NUP54: variants seen among roughly 807,000 people sequenced by gnomAD.
NUP54 encodes nucleoporin p54.
NUP54 carries 27 observed loss-of-function variants against 66.4 expected under a neutral mutation model. The observed-to-expected ratio is 0.41, with a 90% CI of 0.30 to 0.56. The LOEUF is 0.56. Ranked by LOEUF, NUP54 falls within the 20% of genes least tolerant of loss-of-function variation. NUP54 has a pLI of 0.34. For missense variants in NUP54, 486 were observed against 596.3 expected, an observed-to-expected ratio of 0.82 and a Z score of 1.93; for synonymous variants, 206 against 210.7, an observed-to-expected ratio of 0.98 and a Z score of 0.19.
chr4:76,135,866 T>C (rs1731015832), intron 4 of NUP54, among the ~76,000 whole-genome samples: 1 of 152,192 alleles, frequency 6.6e-6, no homozygotes, highest in Admixed American at 6.5e-5. Flanking sequence ...TGGCCAATGT[T>C]AAATGAATAC....
intron 3 of NUP54, 136 bp downstream of exon 3, chr4:76,144,013 A>G: frequency 2.2e-6 from 2 of 902,424 alleles, no homozygotes; most frequent in Non-Finnish European, 3.4e-6. Flanking sequence ...TTTAAACATG[A>G]AAAGTAACAT....
intron 5 of NUP54, among the ~76,000 whole-genome samples, chr4:76,133,177 T>C (rs1163351956): frequency 1.3e-5 from 2 of 151,836 alleles, no homozygotes; most frequent in Non-Finnish European, 2.9e-5. Context: ...GGATTACAGG[T>C]ATGATGAGCT....
chr4:76,145,292 C>T (rs11941852), intron 1 of NUP54, among the ~76,000 whole-genome samples: 75,698 of 143,460 alleles, frequency 0.53, 21,505 homozygotes, highest in East Asian at 0.95. Flanking sequence ...TACTCCAGCC[C>T]GGGCGACAGG....
intron 9 of NUP54, among the ~76,000 whole-genome samples, chr4:76,119,956 TTAAAA>T (rs1730155833): frequency 6.6e-6 from 1 of 152,146 alleles, no homozygotes; most frequent in Admixed American, 6.5e-5. Flanking sequence ...AATTTTATAA[TTAAAA>T]TAATTTTATT....
intron 8 of NUP54, among the ~76,000 whole-genome samples, chr4:76,129,410 T>C (rs925318422): frequency 6.6e-6 from 1 of 152,196 alleles, no homozygotes; most frequent in Admixed American, 6.5e-5. Context: ...AGTGTTGCTG[T>C]AGATTTCAAA....
At chr4:76,145,660 T>C in intron 1 of NUP54, 1 of 844,068 alleles carries the variant, frequency 1.2e-6, no homozygotes, top group Non-Finnish European at 1.6e-6. Flanking sequence ...ATTGTCAGTC[T>C]TCAGCTGATT....
At position 76,134,226 on chromosome 4, in the gene NUP54, T is replaced by C; in HGVS notation, c.659A>G (p.Asn220Ser). 1 of 1,613,848 alleles carries C rather than the reference T, an allele frequency of 6.2e-7. No individual in the cohort carries two copies. The highest frequency in any genetic ancestry group is 8.5e-7 in the Non-Finnish European group (1 of 1,179,818). The change falls in exon 5 of 12, where the codon AAC becomes AGC. Residue 220 changes from asparagine to serine, a missense_variant. By Grantham distance (46) the Asn-to-Ser change is conservative (BLOSUM62 1). Coordinates refer to ENST00000264883, the MANE Select transcript of NUP54 (RefSeq NM_017426.4). Reference sequence around the variant, plus strand: ...CTCTACATTTACAGTAAGGGTCTGGTTTCCTCCCAAAACTTTATGCAATGA... The same window carrying C: ...CTCTACATTTACAGTAAGGGTCTGGCTTCCTCCCAAAACTTTATGCAATGA... ...VESLHKVLGG[N>S]QTLTVNVEGT...
rs1275186278 is a variant in NUP54, at chr4:76,147,499, C to A, written c.67+809G>T. On this transcript the variant is annotated intron_variant, in intron 1 of 11. Coordinates refer to ENST00000264883, the MANE Select transcript of NUP54 (RefSeq NM_017426.4). ...TCTACCTGCACTTGCCAGACTGTTA[C>A]CAAAATTGAACGGAGTCGCCGAGGT... is the stretch of plus-strand genomic sequence containing the variant. 7 of 1,289,642 alleles carry A rather than the reference C, an allele frequency of 5.4e-6. No homozygotes were observed. The South Asian group carries it at 7.4e-5, about 14-fold the overall frequency. 79.9% of individuals were successfully genotyped at this position (1,289,642 alleles called of 1,614,324 possible). A position where few individuals can be genotyped will look rare whatever the true frequency, so the allele number is the denominator to read the frequency against.
intron 8 of NUP54, among the ~76,000 whole-genome samples, chr4:76,127,656 G>A (rs1730603499): frequency 6.6e-6 from 1 of 151,798 alleles, no homozygotes; most frequent in Admixed American, 6.6e-5. Context: ...ACATTTAATG[G>A]ATATCATTAC....
At chr4:76,136,539 A>ACAG (rs1731047517) in intron 3 of NUP54, 127 bp from the exon 4 acceptor site, 1 of 649,220 alleles carries the variant, frequency 1.5e-6, no homozygotes, top group Non-Finnish European at 2.6e-6. Flanking sequence ...AGAACCTATA[A>ACAG]ATATGTTATC....
In NUP54 at chr4:76,132,503, CTG is replaced by C; in HGVS notation, c.907+18_907+19del. 6.5e-7 allele frequency: 1 copy of C among 1,530,082 alleles called. No individual in the cohort carries two copies. The highest frequency in any genetic ancestry group is 8.8e-7 in the Non-Finnish European group (1 of 1,137,330). The allele number at this position is 1,530,082 out of a possible 1,614,324, so 94.8% of individuals were successfully genotyped here. A position where few individuals can be genotyped will look rare whatever the true frequency, so the allele number is the denominator to read the frequency against. On this transcript the variant is annotated intron_variant, in intron 6 of 11. Transcript: ENST00000264883. ...CTAAATCTTTCTTTTTTTTTGAACT[CTG>C]TGATTCTAGAAACATACCAGCAGGA...
chr4:76,132,839 A>T, intron 5 of NUP54, 120 bp from the exon 6 acceptor site: 1 of 721,700 alleles, frequency 1.4e-6, no homozygotes, highest in Non-Finnish European at 2.2e-6. Context: ...TGGTTGTTTT[A>T]GGAGGCAATT....
intron 8 of NUP54, among the ~76,000 whole-genome samples, chr4:76,129,888 ACCTTAGCAAAGT>A (rs1404509569): frequency 9.8e-6 from 1 of 102,204 alleles, no homozygotes; most frequent in East Asian, 5.1e-4. Context: ...AAAAAAAAAA[ACCTTAGCAAAGT>A]TAAAAGAATT....
At chr4:76,128,200 G>A (rs1394754097) in intron 8 of NUP54, among the ~76,000 whole-genome samples, 1 of 151,824 alleles carries the variant, frequency 6.6e-6, no homozygotes, top group East Asian at 1.9e-4. Context: ...CCTTGTTGTG[G>A]GAGTACTGTT....
At position 76,132,652 on chromosome 4, in the gene NUP54, T is replaced by C. The variant is rs567029076; in HGVS notation, c.778A>G (p.Thr260Ala). 5 of 1,614,088 alleles carry C rather than the reference T, an allele frequency of 3.1e-6. No homozygotes were observed. In the Admixed American group the frequency reaches 6.7e-5, roughly 22 times the overall value. Residue 260 changes from threonine to alanine, a missense_variant, in exon 6 of 12, where the codon ACG (threonine) becomes GCG (alanine). Physicochemically the swap from Thr to Ala is moderately conservative, Grantham distance 58. Around this residue, in one of 4 missense-constraint regions of NUP54, gnomAD observed 217 missense variants for 247.9 expected, o/e 0.88. Transcript: ENST00000264883. ...GCTTGTTCAAAATGGGCATATAGCGTTGTAGCTGGAACTCTTCTTGAAGTA... is the reference window on the plus strand; with the variant it reads ...GCTTGTTCAAAATGGGCATATAGCGCTGTAGCTGGAACTCTTCTTGAAGTA... Reference protein sequence around the residue: ...NGTSRRVPATTLYAHFEQANI... With the variant: ...NGTSRRVPATALYAHFEQANI...
chr4:76,115,878 G>A (rs10518144), intron 11 of NUP54, among the ~76,000 whole-genome samples: 20,016 of 152,194 alleles, frequency 0.13, 1,540 homozygotes, highest in East Asian at 0.35. Flanking sequence ...GAAGTACAAA[G>A]TACATAGTGA....
intron 8 of NUP54, among the ~76,000 whole-genome samples, chr4:76,125,495 T>G: frequency 6.7e-6 from 1 of 148,576 alleles, no homozygotes; most frequent in South Asian, 2.2e-4. Flanking sequence ...ATTAACCAGG[T>G]GTAGTGCTAC....
At chr4:76,139,289 C>CTTAG (rs1363470826) in intron 3 of NUP54, among the ~76,000 whole-genome samples, 1 of 152,164 alleles carries the variant, frequency 6.6e-6, no homozygotes, top group African/African-American at 2.4e-5. Context: ...ACTGATCAAT[C>CTTAG]TTAGCATCAC....
chr4:76,148,143 G>T (rs1731592839), intron 1 of NUP54, 165 bp downstream of exon 1: 1 of 497,196 alleles, frequency 2.0e-6, no homozygotes, highest in East Asian at 3.5e-5. Flanking sequence ...GCCTCCTCGG[G>T]TGCCGCCTCG....
Sources: allele counts gnomAD v4.1 joint callset (sites outside exome capture counted in the v4.1 genomes callset), GRCh38; gene constraint gnomAD v4.1.1; regional missense constraint gnomAD v4.1.1; transcripts MANE v1.5; gene names NCBI Gene and HGNC (gene_info 2026-07-23, HGNC 2026-07-21).